DIP2B: variants seen among roughly 807,000 people sequenced by gnomAD.
DIP2B encodes disco-interacting protein 2 homolog B.
A neutral mutation model predicts 198.0 loss-of-function variants in DIP2B; 76 were observed. The observed-to-expected ratio is 0.38, with a 90% CI of 0.32 to 0.46. The LOEUF is 0.46. Among genes scored for constraint, DIP2B ranks in the 20% least tolerant of loss-of-function variants. The pLI is 0.99. For synonymous variants in DIP2B, 701 were observed against 739.1 expected (o/e 0.95, Z 0.84); for missense variants, 1,559 against 1,978.4 (o/e 0.79, Z 4.02).
chr12:50,732,318 T>G (rs1029075962), intron 31 of DIP2B, 48 bp from the exon 32 acceptor site: 15 of 1,607,252 alleles, frequency 9.3e-6, no homozygotes, highest in Non-Finnish European at 1.0e-5. Flanking sequence ...CCTGTTCAGT[T>G]CTTTTATGAT....
In DIP2B at chr12:50,694,364, C is replaced by T. The variant is rs559728673; in HGVS notation, c.1720-903C>T. ...TACAAAAATTAGCTGGACATTGTGG[C>T]GCACACCTGTAATCCCTGCTACTCA... On this transcript the variant is annotated intron_variant, in intron 14 of 37. Transcript: ENST00000301180. Among the ~76,000 whole-genome samples the T allele has an allele frequency of 3.3e-5, 5 of 152,140 alleles. No homozygotes were observed. The South Asian group carries it at 8.3e-4, about 25-fold the overall frequency.
intron 1 of DIP2B, among the ~76,000 whole-genome samples, chr12:50,536,943 G>A (rs887121211): frequency 1.3e-5 from 2 of 150,992 alleles, no homozygotes; most frequent in Non-Finnish European, 2.9e-5. Flanking sequence ...TGTTGTTTTG[G>A]CCTAGTGAGG....
intron 19 of DIP2B, among the ~76,000 whole-genome samples, chr12:50,701,993 G>A (rs1939425509): frequency 6.6e-6 from 1 of 152,132 alleles, no homozygotes; most frequent in Non-Finnish European, 1.5e-5. Context: ...GCTGGGAGCA[G>A]TTGCTCATGC....
intron 1 of DIP2B, among the ~76,000 whole-genome samples, chr12:50,585,553 G>A (rs1363254652): frequency 2.0e-5 from 3 of 152,188 alleles, no homozygotes; most frequent in African/African-American, 4.8e-5. Flanking sequence ...CCTCAAGGAG[G>A]AACAAGCTAG....
chr12:50,653,341 C>CTTTTTTTTTTTTTTTT (rs1323702401), intron 3 of DIP2B, among the ~76,000 whole-genome samples: 5 of 70,116 alleles, frequency 7.1e-5, no homozygotes, highest in South Asian at 4.3e-4. Flanking sequence ...TTTTTTTTTT[C>CTTTTTTTTTTTTTTTT]TTTTCTTTTT....
chr12:50,563,050 A>T (rs1958532877), intron 1 of DIP2B, among the ~76,000 whole-genome samples: 1 of 152,240 alleles, frequency 6.6e-6, no homozygotes. Flanking sequence ...GAAGATTATT[A>T]ACCACAGCTT....
chr12:50,574,552 A>C (rs543680100), intron 1 of DIP2B, among the ~76,000 whole-genome samples: 3 of 146,382 alleles, frequency 2.0e-5, no homozygotes, highest in Middle Eastern at 3.5e-3. Flanking sequence ...GCGTATGAGG[A>C]AGAAGAGCAT....
intron 1 of DIP2B, among the ~76,000 whole-genome samples, chr12:50,549,018 T>C (rs141842581): frequency 1.3e-5 from 2 of 152,322 alleles, no homozygotes; most frequent in Non-Finnish European, 2.9e-5. Context: ...AAAGTTTAAA[T>C]TTTATGTAAT....
chr12:50,537,969 T>A (rs1199168179), intron 1 of DIP2B, among the ~76,000 whole-genome samples: 1 of 152,208 alleles, frequency 6.6e-6, no homozygotes, highest in Non-Finnish European at 1.5e-5. Context: ...GAGCGCAGGC[T>A]TCTTATTTTG....
chr12:50,623,425 ACACACACACACACTCTCTCTCT>A (rs1443619450), intron 1 of DIP2B, among the ~76,000 whole-genome samples: 25 of 52,996 alleles, frequency 4.7e-4, no homozygotes, highest in East Asian at 1.1e-3. Context: ...ACACACACAC[ACACACACACACACTCTCTCTCT>A]CTCTCTCTCT....
At chr12:50,514,305 TC>T (rs1395938320) in intron 1 of DIP2B, among the ~76,000 whole-genome samples, 1 of 152,116 alleles carries the variant, frequency 6.6e-6, no homozygotes, top group Non-Finnish European at 1.5e-5. Flanking sequence ...CCTCAGGTGA[TC>T]CGCCCACCTC....
chr12:50,686,431 C>T, intron 11 of DIP2B, 142 bp from the exon 12 acceptor site: 1 of 729,270 alleles, frequency 1.4e-6, no homozygotes, highest in East Asian at 2.8e-5. Flanking sequence ...TGATTTGCCA[C>T]TAAAAACTAA....
chr12:50,575,705 G>A (rs1958653884), intron 1 of DIP2B, among the ~76,000 whole-genome samples: 1 of 151,902 alleles, frequency 6.6e-6, no homozygotes, highest in Non-Finnish European at 1.5e-5. Context: ...TTATCTCCTA[G>A]GTCAGGGGTC....
chr12:50,573,972 G>C (rs1037815244), intron 1 of DIP2B, among the ~76,000 whole-genome samples: 1 of 152,192 alleles, frequency 6.6e-6, no homozygotes, highest in East Asian at 1.9e-4. Context: ...TGATATTAAG[G>C]GTTCTTAGAA....
chr12:50,739,271 T>C (rs192453862), intron 35 of DIP2B, 138 bp from the exon 36 acceptor site: 1 of 871,784 alleles, frequency 1.1e-6, no homozygotes, highest in East Asian at 2.7e-5. Context: ...ACGTGGTAAA[T>C]GTCAGCTGCC....
At chr12:50,625,218 T>G (rs1402771028) in intron 1 of DIP2B, among the ~76,000 whole-genome samples, 2 of 152,230 alleles carry the variant, frequency 1.3e-5, no homozygotes, top group Non-Finnish European at 2.9e-5. Flanking sequence ...CTCTTGTTTC[T>G]CTGCATTTCC....
chr12:50,549,068 A>G (rs970914489), intron 1 of DIP2B, among the ~76,000 whole-genome samples: 4 of 152,118 alleles, frequency 2.6e-5, no homozygotes, highest in Non-Finnish European at 4.4e-5. Flanking sequence ...TGAGGAAACT[A>G]TTCCGGAGTA....
intron 1 of DIP2B, among the ~76,000 whole-genome samples, chr12:50,524,580 C>CT (rs958157011): frequency 3.3e-5 from 5 of 152,040 alleles, no homozygotes; most frequent in Admixed American, 6.6e-5. Context: ...TTCCCTCTTC[C>CT]TTTTTTTAAT....
chr12:50,687,815 G>T (rs1939157189), intron 12 of DIP2B, among the ~76,000 whole-genome samples: 1 of 151,194 alleles, frequency 6.6e-6, no homozygotes, highest in Non-Finnish European at 1.5e-5. Context: ...CGAGTTGATA[G>T]GTACAGCAAA....
Sources: gnomAD v4.1 joint callset for allele counts (sites outside exome capture counted in the v4.1 genomes callset) on GRCh38, gnomAD v4.1.1 for gene constraint, MANE v1.5 for transcripts, NCBI Gene and HGNC (gene_info 2026-07-23, HGNC 2026-07-21) for gene names.